OGG1: variants seen among roughly 807,000 people sequenced by gnomAD.
The protein encoded by OGG1 is 8-oxoguanine DNA glycosylase.
In OGG1, 35 loss-of-function variants were observed where a neutral mutation model predicts 42.3. The observed-to-expected ratio is 0.83, with a 90% confidence interval of 0.63 to 1.10. OGG1 has a LOEUF of 1.10. Ranked by LOEUF, OGG1 falls within the 50% of genes least tolerant of loss-of-function variation. OGG1 has a pLI of 0.00. For synonymous variants in OGG1, 189 were observed against 179.0 expected, an observed-to-expected ratio of 1.06 and a Z score of -0.44; for missense variants, 484 against 446.7, an observed-to-expected ratio of 1.08 and a Z score of -0.75.
chr3:9,770,776 T>A (rs554968989), downstream of OGG1, among the ~76,000 whole-genome samples: 242 of 139,822 alleles, frequency 1.7e-3, 3 homozygotes, highest in Admixed American at 0.012. Context: ...GGAAGAAATT[T>A]GGTGCCGAGT....
Position 9,750,958 on chromosome 3 carries a change from A to G in OGG1, c.151A>G (p.Ser51Gly), listed in dbSNP as rs142483298. Residue 51 changes from serine to glycine, a missense_variant, in exon 2 of 7, where the codon AGT becomes GGT. By Grantham distance (56) the Ser-to-Gly change is moderately conservative. Transcript: ENST00000344629. ...CCTTGGGCTCAGGTGGAGGGAGCAA[A>G]GTCCTGCACACTGGAGTGGTGTACT... The part of the protein sequence containing the change: ...SGQSFRWREQ[S>G]PAHWSGVLAD... 3 of 1,613,936 alleles carry G rather than the reference A, an allele frequency of 1.9e-6. No homozygotes were observed. The highest frequency in any genetic ancestry group is 2.5e-6 in the Non-Finnish European group (3 of 1,180,018).
chr3:9,759,285 AG>A, downstream of OGG1: 1 of 1,611,076 alleles, frequency 6.2e-7, no homozygotes, highest in Non-Finnish European at 8.5e-7. Context: ...CTAGACTTGG[AG>A]GTGAGGGACC....
downstream of OGG1, chr3:9,759,302 T>C (rs2077735584): frequency 1.3e-6 from 2 of 1,599,760 alleles, no homozygotes; most frequent in Non-Finnish European, 1.7e-6. Context: ...GGACCCTCTC[T>C]GGAATAGAGA....
In OGG1 at chr3:9,757,340, C is replaced by G; in HGVS notation, c.*190C>G. ...GTGGGGGATATTGAGGGAGACAGCG[C>G]TAAGGATGGTTTTATCTTCCCTTTA... On this transcript the variant is annotated 3_prime_UTR_variant, in exon 7 of 7. Transcript: ENST00000344629. This position sits in a 1 kb window ranked among gnomAD's most constrained non-coding sequence, Gnocchi z 4.5. 1.2e-6 allele frequency: 2 copies of G among 1,614,096 alleles called. No homozygotes were observed. Among genetic ancestry groups the G allele is most frequent in the Middle Eastern group, 1.6e-4 (1 of 6,062 alleles).
chr3:9,754,298 A>G (rs1208529154), intron 3 of OGG1, among the ~76,000 whole-genome samples: 5 of 152,222 alleles, frequency 3.3e-5, no homozygotes, highest in Non-Finnish European at 5.9e-5. Flanking sequence ...TCTTGGGAAA[A>G]GTAAGCATGA....
chr3:9,789,881 T>G (rs749798773), downstream of OGG1: 1 of 1,614,250 alleles, frequency 6.2e-7, no homozygotes, highest in Non-Finnish European at 8.5e-7. Flanking sequence ...CTTCCCATGT[T>G]TGGGGGGAGC....
chr3:9,759,260 TAC>T (rs2077733036), downstream of OGG1: 1 of 1,613,926 alleles, frequency 6.2e-7, no homozygotes, highest in Non-Finnish European at 8.5e-7. Flanking sequence ...CCTGAAGAAT[TAC>T]AGACTTCTTC....
At chr3:9,769,625 A>G (rs770429156), downstream of OGG1, among the ~76,000 whole-genome samples, 51 of 152,000 alleles carry the variant, frequency 3.4e-4, no homozygotes, top group Non-Finnish European at 5.4e-4. Context: ...CCCCTTCTCT[A>G]TTACCCACTC....
intron 3 of OGG1, chr3:9,787,583 T>C (rs374528745): frequency 9.9e-5 from 102 of 1,032,106 alleles, no homozygotes; most frequent in African/African-American, 9.2e-4. Context: ...ATTCCCAAGA[T>C]AGAAGGTGCA....
At chr3:9,758,953 A>C (rs562578215), downstream of OGG1, 1 of 504,834 alleles carries the variant, frequency 2.0e-6, no homozygotes, top group Admixed American at 3.2e-5. Flanking sequence ...CTATGCAGCA[A>C]ATACTTGCCT....
At position 9,754,754 on chromosome 3, in the gene OGG1, C is replaced by T. The variant is rs202182784; in HGVS notation, c.616C>T (p.Arg206Cys). The T allele has an allele frequency of 2.3e-5, 37 of 1,614,032 alleles. No individual in the cohort carries two copies. Among genetic ancestry groups the T allele is most frequent in the Admixed American group, 5.0e-5 (3 of 60,000 alleles). The change falls in exon 4 of 7, where the codon CGT (arginine) becomes TGT (cysteine). Residue 206 changes from arginine (R) to cysteine (C), a missense_variant. Transcript: ENST00000344629. ...GAAGCTGGGCCTGGGCTATCGTGCC[C>T]GTTACGTGAGTGCCAGTGCCCGAGC... ...LRKLGLGYRARYVSASARAIL... is the reference protein window; with the variant it reads ...LRKLGLGYRACYVSASARAIL...
At chr3:9,759,376 A>G (rs2077738589), downstream of OGG1, 2 of 1,550,164 alleles carry the variant, frequency 1.3e-6, no homozygotes, top group Non-Finnish European at 1.8e-6. Context: ...AAGGATCCCT[A>G]AGCAGTTACT....
At chr3:9,752,101 A>G in intron 3 of OGG1, 152 bp downstream of exon 3, 1 of 697,706 alleles carries the variant, frequency 1.4e-6, no homozygotes, top group African/African-American at 1.8e-5. Context: ...CCAGTTACTC[A>G]TCCTCCCTAT....
intron 3 of OGG1, among the ~76,000 whole-genome samples, chr3:9,786,001 C>CA (rs2078599610): frequency 6.6e-6 from 1 of 151,724 alleles, no homozygotes; most frequent in Non-Finnish European, 1.5e-5. Context: ...TGCAGTGGCA[C>CA]AATTTCGGCT....
chr3:9,755,666 G>A (rs1200566909), intron 4 of OGG1, among the ~76,000 whole-genome samples: 1 of 151,488 alleles, frequency 6.6e-6, no homozygotes, highest in Admixed American at 6.6e-5. Flanking sequence ...GTTTCACCAT[G>A]TTGGGCCAGG....
At chr3:9,781,157 C>T (rs2078451872) in intron 2 of OGG1, among the ~76,000 whole-genome samples, 1 of 151,780 alleles carries the variant, frequency 6.6e-6, no homozygotes, top group Non-Finnish European at 1.5e-5. Flanking sequence ...TAAAAATATA[C>T]ACAGTAGGCT....
chr3:9,789,633 C>T, downstream of OGG1: 1 of 1,613,002 alleles, frequency 6.2e-7, no homozygotes, highest in Non-Finnish European at 8.5e-7. Flanking sequence ...AGAAGCAGAT[C>T]CTGAGTGGGC....
chr3:9,759,958 T>C (rs2077771511), downstream of OGG1: 1 of 665,746 alleles, frequency 1.5e-6, no homozygotes, highest in Admixed American at 2.9e-5. Flanking sequence ...AAGAAAAACA[T>C]ATGGCCGGGC....
chr3:9,752,389 A>G (rs1381133852), intron 3 of OGG1, among the ~76,000 whole-genome samples: 2 of 152,134 alleles, frequency 1.3e-5, no homozygotes, highest in Non-Finnish European at 2.9e-5. Flanking sequence ...AGGAATATAC[A>G]TACTGCACCT....
Sources: gnomAD v4.1 joint callset for allele counts (sites outside exome capture counted in the v4.1 genomes callset) on GRCh38, gnomAD v4.1.1 for gene constraint, Gnocchi (gnomAD v3.1) non-coding constraint, MANE v1.5 for transcripts, NCBI Gene and HGNC (gene_info 2026-07-23, HGNC 2026-07-21) for gene names.